Variants in FKBP15 observed in about 807,000 individuals in gnomAD.
FKBP15 encodes FK506-binding protein 15.
Under a neutral mutation model 158.1 loss-of-function variants are expected in FKBP15, and 106 were observed. The ratio of observed to expected loss-of-function variants is 0.67; its 90% CI spans 0.57 to 0.79. The LOEUF (loss-of-function observed/expected upper bound fraction) is 0.79. Ranked by LOEUF, FKBP15 falls within the 30% of genes least tolerant of loss-of-function variation. FKBP15 has a pLI of 0.00. For missense variants in FKBP15, 1,287 were observed against 1,479.1 expected (o/e 0.87, Z 2.13); for synonymous variants, 547 against 548.6 (o/e 1.00, Z 0.04).
intron 13 of FKBP15, 138 bp from the exon 14 acceptor site, chr9:113,188,037 A>G (rs1297430578): frequency 4.4e-6 from 3 of 685,958 alleles, no homozygotes; most frequent in Non-Finnish European, 7.5e-6. Flanking sequence ...CTCTACTGCA[A>G]TCTCAGGAAT....
chr9:113,171,069 G>T (rs1411926722), intron 24 of FKBP15, among the ~76,000 whole-genome samples: 2 of 152,180 alleles, frequency 1.3e-5, no homozygotes, highest in African/African-American at 4.8e-5. Flanking sequence ...TTTTGGGTTT[G>T]CCACTTAATA....
chr9:113,187,159 G>A (rs1464496481), intron 14 of FKBP15: 3 of 152,412 alleles, frequency 2.0e-5, no homozygotes, highest in Non-Finnish European at 2.9e-5. Context: ...TTCCAGTTTC[G>A]AGACTCCCCA....
chr9:113,165,910 CG>C lies in FKBP15; in HGVS notation c.*167del. 1 of 566,688 alleles carries C rather than the reference CG, an allele frequency of 1.8e-6. No individual in the cohort carries two copies. Among genetic ancestry groups the C allele is most frequent in the Non-Finnish European group, 3.2e-6 (1 of 317,186 alleles). 35.1% of individuals were successfully genotyped at this position (566,688 alleles called of 1,614,324 possible). On this transcript the variant is annotated 3_prime_UTR_variant, in exon 28 of 28. Coordinates refer to ENST00000238256, the MANE Select transcript of FKBP15 (RefSeq NM_015258.2). Reference sequence around the variant, plus strand: ...TTATGATCCTCTTCACCAGGTCTGGCGGGGGTGGGGCTCAGAAGGTGGCCAA... The same window carrying C: ...TTATGATCCTCTTCACCAGGTCTGGCGGGGTGGGGCTCAGAAGGTGGCCAA...
rs1587959530 is a variant in FKBP15 at position 113,186,331 on chromosome 9, G to A, written c.1416C>T (p.Pro472=). Residue 472 remains proline, a synonymous_variant, in exon 15 of 28, where the codon CCC becomes CCT. Transcript: ENST00000238256. ...PYAGMQAYAY[P]QASAVTSQLQ... is the part of the protein sequence containing the mutation. ...GCTGGGAGGTGACGGCAGATGCCTG[G>A]GGATAAGCGTAGGCTTGCATACCTG... The A allele has an allele frequency of 1.9e-6, 3 of 1,568,100 alleles. No homozygotes were observed. The highest frequency in any genetic ancestry group is 2.6e-6 in the Non-Finnish European group (3 of 1,155,714).
At chr9:113,176,003 C>G (rs1030235005) in intron 21 of FKBP15, among the ~76,000 whole-genome samples, 1 of 152,172 alleles carries the variant, frequency 6.6e-6, no homozygotes, top group African/African-American at 2.4e-5. Context: ...GATTCTTACT[C>G]ATGCAATCCA....
rs749711454 is a variant in FKBP15, at chr9:113,215,618, GTGTGTGTATATATA to G, written c.54-4040_54-4027del. Among the ~76,000 whole-genome samples, 208 of 114,678 alleles carry G rather than the reference GTGTGTGTATATATA, an allele frequency of 1.8e-3. 1 individual carries two copies. The highest frequency in any genetic ancestry group is 4.6e-3 in the East Asian group (18 of 3,956). 75.2% of individuals were successfully genotyped at this position (114,678 alleles called of 152,430 possible). ...TATATATGTGTGCGTGTGTGTGTGT[GTGTGTGTATATATA>G]TATATATATATATTTTTTTTTTTTT... On this transcript the variant is annotated intron_variant, in intron 1 of 27. Coordinates refer to ENST00000238256, the MANE Select transcript of FKBP15 (RefSeq NM_015258.2).
chr9:113,179,378 T>C (rs1039432350), intron 19 of FKBP15, among the ~76,000 whole-genome samples: 1 of 151,990 alleles, frequency 6.6e-6, no homozygotes, highest in African/African-American at 2.4e-5. Flanking sequence ...AAAAAGAAAA[T>C]AAAGGCCGGG....
In FKBP15 at chr9:113,162,478, A is replaced by G. The variant is rs906800300; in HGVS notation, c.*3600T>C. Reference sequence around the variant, plus strand: ...CTCTTATTCCTTATCAGAAAGACAGATTATAGATACCCTCATTTTCCCCTT... The same window carrying G: ...CTCTTATTCCTTATCAGAAAGACAGGTTATAGATACCCTCATTTTCCCCTT... On this transcript the variant is annotated 3_prime_UTR_variant, in exon 28 of 28. Coordinates refer to ENST00000238256, the MANE Select transcript of FKBP15 (RefSeq NM_015258.2). The G allele has an allele frequency of 6.1e-6, 2 of 327,658 alleles. No homozygotes were observed. Among genetic ancestry groups the G allele is most frequent in the African/African-American group, 4.4e-5 (2 of 45,608 alleles). 20.3% of individuals were successfully genotyped at this position (327,658 alleles called of 1,614,324 possible).
In FKBP15 at chr9:113,178,741, T is replaced by C. The variant is rs1031232801; in HGVS notation, c.1975A>G (p.Met659Val). ...GTTTCCTTTTTTTGGTGAGCAGTCA[T>C]TTTCAGCTGCAGATGAGAGACCTGT... ...TAQVSHLQLK[M>V]TAHQKKETEL... Residue 659 changes from methionine (M) to valine (V), a missense_variant, in exon 20 of 28, where the codon ATG becomes GTG. Met to Val is a conservative substitution (Grantham distance 21). Transcript: ENST00000238256. The C allele has an allele frequency of 1.9e-6, 3 of 1,609,244 alleles. No homozygotes were observed. Among genetic ancestry groups the C allele is most frequent in the Non-Finnish European group, 2.5e-6 (3 of 1,177,808 alleles).
At chr9:113,171,303 G>C (rs536876245) in intron 24 of FKBP15, among the ~76,000 whole-genome samples, 2 of 152,278 alleles carry the variant, frequency 1.3e-5, no homozygotes, top group South Asian at 4.1e-4. Flanking sequence ...GCGCGTGCCT[G>C]TAGTCCCAGC....
intron 23 of FKBP15, 49 bp from the exon 24 acceptor site, chr9:113,171,755 T>G: frequency 8.8e-7 from 1 of 1,135,854 alleles, no homozygotes; most frequent in Non-Finnish European, 1.2e-6. Flanking sequence ...CAGGTGAAGG[T>G]CAGAAAACCC....
intron 2 of FKBP15, among the ~76,000 whole-genome samples, chr9:113,210,197 T>C (rs1415364134): frequency 6.6e-6 from 1 of 152,100 alleles, no homozygotes; most frequent in East Asian, 1.9e-4. Flanking sequence ...TCCCAGATCT[T>C]AGAGAAGCAC....
At chr9:113,211,752 T>TTAA (rs111510294) in intron 1 of FKBP15, among the ~76,000 whole-genome samples, 160 bp from the exon 2 acceptor site, 2 of 149,582 alleles carry the variant, frequency 1.3e-5, no homozygotes, top group Non-Finnish European at 3.0e-5. Context: ...ATTTAAAAAT[T>TTAA]AAAAAAAAAA....
rs1830735811 is a variant in FKBP15, at chr9:113,198,951, C to T, written c.649-28G>A. 1.3e-6 allele frequency: 2 copies of T among 1,488,672 alleles called. No homozygotes were observed. The highest frequency in any genetic ancestry group is 1.4e-5 in the African/African-American group (1 of 72,110). The allele number at this position is 1,488,672 out of a possible 1,614,324, so 92.2% of individuals were successfully genotyped here. On this transcript the variant is annotated intron_variant, in intron 7 of 27. Transcript: ENST00000238256. The surrounding 1 kb of genome is among the most constrained non-coding windows in gnomAD (Gnocchi z 5.2). Reference sequence around the variant, plus strand: ...GCAATTTGATCGAAGGAAATTAGGCCAGCCAATTTCAAAAATAATAATAAC... The same window carrying T: ...GCAATTTGATCGAAGGAAATTAGGCTAGCCAATTTCAAAAATAATAATAAC...
intron 25 of FKBP15, among the ~76,000 whole-genome samples, chr9:113,170,269 G>C (rs1274834860): frequency 2.6e-5 from 4 of 152,086 alleles, no homozygotes; most frequent in Admixed American, 6.6e-5. Context: ...GGGACTACAG[G>C]CACGTGCCAC....
rs1362833387 is a variant in FKBP15, at chr9:113,164,021, A to AAGAG, written c.*2053_*2056dup. ...AACCTCTTCACTTTATAAAAAAGGA[A>AAGAG]AGAGAGAAAATCACTGCTGTATACT... On this transcript the variant is annotated 3_prime_UTR_variant, in exon 28 of 28. Coordinates refer to ENST00000238256, the MANE Select transcript of FKBP15 (RefSeq NM_015258.2). 2 of 152,660 alleles carry AAGAG rather than the reference A, an allele frequency of 1.3e-5. No homozygotes were observed. The highest frequency in any genetic ancestry group is 1.3e-4 in the Admixed American group (2 of 15,280). The allele number at this position is 152,660 out of a possible 1,614,324, so 9.5% of individuals were successfully genotyped here.
At chr9:113,193,760 A>G (rs1380918910) in intron 10 of FKBP15, among the ~76,000 whole-genome samples, 1 of 152,080 alleles carries the variant, frequency 6.6e-6, no homozygotes, top group East Asian at 1.9e-4. Context: ...CATTTTTTCC[A>G]TGAGTATATA....
chr9:113,206,638 T>G, intron 3 of FKBP15, 60 bp from the exon 4 acceptor site: 4 of 1,331,472 alleles, frequency 3.0e-6, no homozygotes, highest in Non-Finnish European at 4.3e-6. Flanking sequence ...AGAACCAGCT[T>G]TCTTTTCTGT....
At position 113,162,131 on chromosome 9, in the gene FKBP15, G is replaced by A. The variant is rs78610404; in HGVS notation, c.*3947C>T. 5.9e-4 allele frequency: 195 copies of A among 332,208 alleles called. 1 individual carries two copies. The highest frequency in any genetic ancestry group is 4.0e-3 in the African/African-American group (182 of 45,986). 20.6% of individuals were successfully genotyped at this position (332,208 alleles called of 1,614,324 possible). Reference sequence around the variant, plus strand: ...CTCTCCTCCCTTCCCACTCGAATCAGGCAACCATTTAGGGTCCCTGTTCTG... The same window carrying A: ...CTCTCCTCCCTTCCCACTCGAATCAAGCAACCATTTAGGGTCCCTGTTCTG... On this transcript the variant is annotated 3_prime_UTR_variant, in exon 28 of 28. Coordinates refer to ENST00000238256, the MANE Select transcript of FKBP15 (RefSeq NM_015258.2).
Sources: allele counts gnomAD v4.1 joint callset (sites outside exome capture counted in the v4.1 genomes callset), GRCh38; gene constraint gnomAD v4.1.1; non-coding constraint Gnocchi (gnomAD v3.1); transcripts MANE v1.5; gene names NCBI Gene and HGNC (gene_info 2026-07-23, HGNC 2026-07-21).